Variants in SGCZ observed in about 807,000 individuals in gnomAD.
The protein encoded by SGCZ is zeta-sarcoglycan.
SGCZ carries 40 observed loss-of-function variants against 41.3 expected under a neutral mutation model. That is an observed-to-expected ratio of 0.97 (90% CI 0.75 to 1.26). The LOEUF (loss-of-function observed/expected upper bound fraction) is 1.26. Ranked by LOEUF, SGCZ falls within the 50% of genes most tolerant of loss-of-function variation. The probability of loss-of-function intolerance (pLI) is 0.00; values close to 1 mark genes in which losing one functional copy is unlikely to be tolerated. For synonymous variants in SGCZ, 206 were observed against 137.5 expected, an observed-to-expected ratio of 1.50 and a Z score of -3.49; for missense variants, 552 against 369.8, an observed-to-expected ratio of 1.49 and a Z score of -4.04.
chr8:15,080,775 G>C (rs1805715956), intron 1 of SGCZ, among the ~76,000 whole-genome samples: 1 of 151,910 alleles, frequency 6.6e-6, no homozygotes, highest in African/African-American at 2.4e-5. Flanking sequence ...TGTATTTTTA[G>C]TAGAATCGGG....
intron 1 of SGCZ, among the ~76,000 whole-genome samples, chr8:14,773,020 T>C (rs907032499): frequency 6.6e-6 from 1 of 152,146 alleles, no homozygotes; most frequent in African/African-American, 2.4e-5. Flanking sequence ...TCCACAATGG[T>C]TGAACTAGCT....
At position 14,514,033 on chromosome 8, in the gene SGCZ, T is replaced by A. The variant is rs542132506; in HGVS notation, c.234+40699A>T. 2.6e-5 allele frequency among the ~76,000 whole-genome samples: 4 copies of A among 152,212 alleles called. 1 individual carries two copies. The South Asian group carries it at 8.3e-4, about 32-fold the overall frequency. ...ACAGCTTAAATATTTTGGACTTTGA[T>A]GAGCATAATAAGAACACTGTAGGAG... On this transcript the variant is annotated intron_variant, in intron 2 of 7. Coordinates refer to ENST00000382080, the MANE Select transcript of SGCZ (RefSeq NM_139167.4).
chr8:14,552,980 A>T (rs1803918935), intron 2 of SGCZ, among the ~76,000 whole-genome samples: 1 of 151,990 alleles, frequency 6.6e-6, no homozygotes, highest in Non-Finnish European at 1.5e-5. Context: ...GAAATTTCAA[A>T]ATTTGGAGAA....
At chr8:14,246,881 G>C (rs1284863780) in intron 3 of SGCZ, among the ~76,000 whole-genome samples, 1 of 125,458 alleles carries the variant, frequency 8.0e-6, no homozygotes, top group African/African-American at 3.1e-5. Context: ...CTGCACTCCA[G>C]CCTGGGCGAC....
chr8:14,399,521 A>T (rs1381527055), intron 2 of SGCZ, among the ~76,000 whole-genome samples: 2 of 151,918 alleles, frequency 1.3e-5, no homozygotes, highest in African/African-American at 4.9e-5. Flanking sequence ...TGATTTGTTA[A>T]AGAAAAAAAA....
chr8:14,708,296 A>T (rs1380022825), intron 1 of SGCZ, among the ~76,000 whole-genome samples: 7 of 151,996 alleles, frequency 4.6e-5, no homozygotes, highest in Admixed American at 4.6e-4. Flanking sequence ...TTCATAGAAT[A>T]TTAATTTATG....
intron 1 of SGCZ, among the ~76,000 whole-genome samples, chr8:14,599,870 C>T (rs1805531409): frequency 1.3e-5 from 2 of 152,154 alleles, no homozygotes; most frequent in Admixed American, 1.3e-4. Flanking sequence ...CTTGACTCCA[C>T]ACTCTTTACA....
Position 14,372,148 on chromosome 8 carries a change from G to A in SGCZ, c.235-47944C>T, listed in dbSNP as rs149210886. ...AAAGGAAATAAGATTACAATGACTA[G>A]GTTTTAGATCCTAAGGGTAGTACTC... On this transcript the variant is annotated intron_variant, in intron 2 of 7. Transcript: ENST00000382080. 2.0e-3 allele frequency among the ~76,000 whole-genome samples: 304 copies of A among 152,172 alleles called. 1 individual carries two copies. Among genetic ancestry groups the A allele is most frequent in the African/African-American group, 7.1e-3 (293 of 41,524 alleles).
intron 2 of SGCZ, among the ~76,000 whole-genome samples, chr8:14,484,396 T>G (rs1284214787): frequency 6.6e-6 from 1 of 152,166 alleles, no homozygotes; most frequent in Non-Finnish European, 1.5e-5. Context: ...TTTAAATAAC[T>G]TTTAAATATA....
intron 1 of SGCZ, among the ~76,000 whole-genome samples, chr8:14,742,841 T>A (rs928432046): frequency 2.2e-4 from 34 of 152,206 alleles, no homozygotes; most frequent in African/African-American, 4.6e-4. Context: ...TTTACCTTTA[T>A]CACAATGTTG....
At chr8:14,478,896 T>A (rs914072180) in intron 2 of SGCZ, among the ~76,000 whole-genome samples, 1 of 151,802 alleles carries the variant, frequency 6.6e-6, no homozygotes, top group Admixed American at 6.6e-5. Flanking sequence ...CTCTGGTCGC[T>A]ACATCTGCTC....
chr8:15,117,378 ATG>A (rs1807311069), intron 1 of SGCZ, among the ~76,000 whole-genome samples: 1 of 152,164 alleles, frequency 6.6e-6, no homozygotes, highest in Non-Finnish European at 1.5e-5. Context: ...AAAAGTATAA[ATG>A]TATTATTTGC....
chr8:14,501,483 T>A (rs1802152223), intron 2 of SGCZ, among the ~76,000 whole-genome samples: 1 of 152,100 alleles, frequency 6.6e-6, no homozygotes, highest in Non-Finnish European at 1.5e-5. Flanking sequence ...ATATACCATA[T>A]AAATGTATTT....
chr8:15,032,620 G>A (rs1803716425), intron 1 of SGCZ, among the ~76,000 whole-genome samples: 2 of 152,134 alleles, frequency 1.3e-5, no homozygotes, highest in Admixed American at 1.3e-4. Context: ...GCTGACCCCA[G>A]AAACTCCAGG....
chr8:14,834,893 A>G (rs1307577388), intron 1 of SGCZ, among the ~76,000 whole-genome samples: 1 of 152,168 alleles, frequency 6.6e-6, no homozygotes, highest in African/African-American at 2.4e-5. Flanking sequence ...CACCTGCAAA[A>G]GAAACTGCTC....
intron 1 of SGCZ, among the ~76,000 whole-genome samples, chr8:14,613,791 A>C (rs1164162661): frequency 1.3e-5 from 2 of 152,170 alleles, no homozygotes; most frequent in Admixed American, 6.5e-5. Context: ...GGTTTAATGA[A>C]GTTGGCCACT....
intron 1 of SGCZ, among the ~76,000 whole-genome samples, chr8:14,852,564 C>A (rs940184556): frequency 4.6e-5 from 7 of 152,100 alleles, no homozygotes; most frequent in African/African-American, 1.7e-4. Context: ...CCAACAATTG[C>A]CTGAAAATAT....
At chr8:14,620,710 A>G (rs1291928904) in intron 1 of SGCZ, among the ~76,000 whole-genome samples, 4 of 152,236 alleles carry the variant, frequency 2.6e-5, no homozygotes, top group African/African-American at 9.6e-5. Flanking sequence ...ACTTGCCATC[A>G]GAGAAATGCA....
intron 1 of SGCZ, among the ~76,000 whole-genome samples, chr8:15,003,310 G>A (rs976987108): frequency 1.3e-5 from 2 of 151,942 alleles, no homozygotes; most frequent in African/African-American, 4.8e-5. Flanking sequence ...GGAACTGTGA[G>A]TCAATTAAAC....
Sources: gnomAD v4.1 joint callset for allele counts (sites outside exome capture counted in the v4.1 genomes callset) on GRCh38, gnomAD v4.1.1 for gene constraint, MANE v1.5 for transcripts, NCBI Gene and HGNC (gene_info 2026-07-23, HGNC 2026-07-21) for gene names.